The following CGNL1 variants were observed in gnomAD, a reference collection of about 807,000 sequenced individuals.
CGNL1 encodes the protein cingulin like 1, also known as cingulin-like protein 1.
In CGNL1, 132 loss-of-function variants were observed where a neutral mutation model predicts 141.2. The ratio of observed to expected loss-of-function variants is 0.93; its 90% confidence interval spans 0.81 to 1.08. The LOEUF is 1.08. CGNL1 is among the 50% of genes least tolerant of loss of function. The pLI, the probability that CGNL1 is intolerant of heterozygous loss-of-function variation, is 0.00. For synonymous variants in CGNL1, 690 were observed against 622.1 expected (o/e 1.11, Z -1.63); for missense variants, 1,870 against 1,588.6 (o/e 1.18, Z -3.01).
chr15:57,444,071 A>G (rs1411648473), intron 4 of CGNL1, among the ~76,000 whole-genome samples: 1 of 152,178 alleles, frequency 6.6e-6, no homozygotes, highest in African/African-American at 2.4e-5. Context: ...GAACACTCCC[A>G]TCACCCAGGT....
intron 1 of CGNL1, among the ~76,000 whole-genome samples, chr15:57,379,759 G>A (rs2152210983): frequency 6.6e-6 from 1 of 152,084 alleles, no homozygotes; most frequent in East Asian, 1.9e-4. Context: ...CTTTTTTCAG[G>A]CATGTGACAT....
intron 1 of CGNL1, among the ~76,000 whole-genome samples, chr15:57,401,607 C>G (rs1473632262): frequency 6.6e-6 from 1 of 152,144 alleles, no homozygotes; most frequent in Non-Finnish European, 1.5e-5. Context: ...TTTAGTTGTC[C>G]TTGAAGAATC....
chr15:57,478,439 A>G (rs2063683974), intron 8 of CGNL1: 1 of 152,246 alleles, frequency 6.6e-6, no homozygotes, highest in African/African-American at 2.4e-5. Context: ...AACATCCTCA[A>G]GTCAACAGCA....
intron 8 of CGNL1, among the ~76,000 whole-genome samples, chr15:57,503,310 G>A (rs1595772839): frequency 6.6e-6 from 1 of 152,194 alleles, no homozygotes; most frequent in South Asian, 2.1e-4. Flanking sequence ...TCAAAATCAC[G>A]AGTCACCTGG....
intron 8 of CGNL1, among the ~76,000 whole-genome samples, chr15:57,487,091 G>C (rs2063795137): frequency 6.6e-6 from 1 of 152,142 alleles, no homozygotes; most frequent in Non-Finnish European, 1.5e-5. Context: ...TTTATTACCA[G>C]TGCAACCACA....
At chr15:57,482,971 G>A (rs1169194647) in intron 8 of CGNL1, among the ~76,000 whole-genome samples, 5 of 152,130 alleles carry the variant, frequency 3.3e-5, no homozygotes, top group African/African-American at 7.2e-5. Flanking sequence ...ATTTTTAATA[G>A]AGACAGGGCT....
intron 1 of CGNL1, among the ~76,000 whole-genome samples, chr15:57,406,473 G>T (rs1251229920): frequency 6.6e-6 from 1 of 152,216 alleles, no homozygotes; most frequent in Non-Finnish European, 1.5e-5. Flanking sequence ...CCAGTTAAGG[G>T]TTCTGAGAAG....
At chr15:57,517,166 G>A (rs2030879891) in intron 9 of CGNL1, among the ~76,000 whole-genome samples, 180 bp downstream of exon 9, 1 of 152,198 alleles carries the variant, frequency 6.6e-6, no homozygotes, top group Non-Finnish European at 1.5e-5. Flanking sequence ...GCATGACAGG[G>A]AGGCCAGGGA....
At chr15:57,464,720 CTTTCCTTTCCTTCT>C (rs1271566170) in intron 8 of CGNL1, among the ~76,000 whole-genome samples, 11 of 128,228 alleles carry the variant, frequency 8.6e-5, no homozygotes, top group African/African-American at 3.4e-4. Context: ...CTTTCCTTTC[CTTTCCTTTCCTTCT>C]TTCTTTCTTT....
chr15:57,460,714 T>G (rs1352126738), intron 7 of CGNL1, among the ~76,000 whole-genome samples: 2 of 152,136 alleles, frequency 1.3e-5, no homozygotes, highest in African/African-American at 2.4e-5. Context: ...TGGGGAAAAC[T>G]ATCCACGTGA....
chr15:57,385,404 G>A (rs910067582), intron 1 of CGNL1, among the ~76,000 whole-genome samples: 2 of 152,200 alleles, frequency 1.3e-5, no homozygotes, highest in African/African-American at 2.4e-5. Flanking sequence ...GCGTGGGGGC[G>A]CATGCCTGCA....
At chr15:57,417,912 T>A (rs1384930292) in intron 1 of CGNL1, among the ~76,000 whole-genome samples, 2 of 152,126 alleles carry the variant, frequency 1.3e-5, no homozygotes, top group Non-Finnish European at 2.9e-5. Flanking sequence ...TTCTTTGTCA[T>A]TGGGTGGCAG....
rs762874696 is a variant in CGNL1 at position 57,523,573 on chromosome 15, A to C, written c.2800A>C (p.Arg934=). The C allele has an allele frequency of 1.2e-6, 2 of 1,614,202 alleles. No homozygotes were observed. The highest frequency in any genetic ancestry group is 1.7e-6 in the Non-Finnish European group (2 of 1,180,028). ...GAGTGAGCAGAAGGAGCAGCTAAGA[A>C]GGTTGAAGAACGAGATGGAGAATGA... ...EESEQKEQLR[R]LKNEMENERW... Residue 934 remains arginine, a synonymous_variant, in exon 11 of 19, where the codon AGG becomes CGG. Transcript: ENST00000281282.
intron 14 of CGNL1, among the ~76,000 whole-genome samples, chr15:57,537,101 G>A (rs1220510946): frequency 1.3e-5 from 2 of 152,214 alleles, no homozygotes; most frequent in Non-Finnish European, 2.9e-5. Context: ...TGCTGCAAAT[G>A]CTTCACAGCA....
intron 8 of CGNL1, among the ~76,000 whole-genome samples, chr15:57,472,874 G>C (rs2063600240): frequency 6.6e-6 from 1 of 152,232 alleles, no homozygotes; most frequent in Non-Finnish European, 1.5e-5. Context: ...GCCTAATAAG[G>C]CTTTTATAAT....
chr15:57,511,392 G>A (rs2030292925), intron 8 of CGNL1, among the ~76,000 whole-genome samples: 1 of 152,080 alleles, frequency 6.6e-6, no homozygotes, highest in Non-Finnish European at 1.5e-5. Flanking sequence ...TACCTAATTG[G>A]CCTTTAGTAG....
chr15:57,528,068 C>A (rs1332740798), intron 12 of CGNL1, among the ~76,000 whole-genome samples: 1 of 152,122 alleles, frequency 6.6e-6, no homozygotes, highest in African/African-American at 2.4e-5. Flanking sequence ...ACCAGCCTGG[C>A]CACCATGGTG....
intron 1 of CGNL1, among the ~76,000 whole-genome samples, chr15:57,389,130 A>C (rs979863324): frequency 2.8e-4 from 43 of 152,060 alleles, no homozygotes; most frequent in African/African-American, 9.9e-4. Flanking sequence ...TGGGCTTTGG[A>C]ACTAGGAATG....
intron 1 of CGNL1, among the ~76,000 whole-genome samples, chr15:57,424,109 T>C (rs1452338245): frequency 6.6e-6 from 1 of 152,228 alleles, no homozygotes; most frequent in Non-Finnish European, 1.5e-5. Flanking sequence ...CCCACTCCTC[T>C]GCCCTTAGCT....
Sources: gnomAD v4.1 joint callset for allele counts (sites outside exome capture counted in the v4.1 genomes callset) on GRCh38, gnomAD v4.1.1 for gene constraint, MANE v1.5 for transcripts, NCBI Gene and HGNC (gene_info 2026-07-23, HGNC 2026-07-21) for gene names.